The following PEX7 variants were observed in gnomAD, a reference collection of about 807,000 sequenced individuals.
PEX7 encodes peroxisomal biogenesis factor 7.
Under a neutral mutation model 47.5 loss-of-function variants are expected in PEX7, and 34 were observed. That is an observed-to-expected ratio of 0.72 (90% CI 0.54 to 0.95). PEX7 has a LOEUF of 0.95. Among genes scored for constraint, PEX7 ranks in the 40% least tolerant of loss-of-function variants. The pLI is 0.00. For synonymous variants in PEX7, 141 were observed against 148.8 expected (o/e 0.95, Z 0.38); for missense variants, 394 against 400.3 (o/e 0.98, Z 0.13).
chr6:136,822,619 A>C lies in PEX7; in HGVS notation c.-47A>C. On this transcript the variant is annotated 5_prime_UTR_variant, in exon 1 of 10. Coordinates refer to ENST00000318471, the MANE Select transcript of PEX7 (RefSeq NM_000288.4). ...CCGCGCCAGTGTGCCTCCGACTCGG[A>C]ACGGCTTCCGCGGCCGGGGCAGCGA... The C allele has an allele frequency of 6.6e-7, 1 of 1,509,738 alleles. No homozygotes were observed. The highest frequency in any genetic ancestry group is 8.9e-7 in the Non-Finnish European group (1 of 1,127,154). 93.5% of individuals were successfully genotyped at this position (1,509,738 alleles called of 1,614,324 possible). A position where few individuals can be genotyped will look rare whatever the true frequency, so the allele number is the denominator to read the frequency against.
chr6:136,900,635 C>T lies in PEX7; in HGVS notation c.903+2394C>T, dbSNP rs988859739. On this transcript the variant is annotated intron_variant, in intron 9 of 9. Transcript: ENST00000318471. The surrounding 1 kb of genome is among the most constrained non-coding windows in gnomAD (Gnocchi z 4.2). ...TTTCCCTTGACAGCGCAGTCAGGGA[C>T]CCCCATTTTATGAGACAGGGCAGGC... The T allele has an allele frequency of 3.0e-6, 1 of 333,110 alleles. No individual in the cohort carries two copies. The highest frequency in any genetic ancestry group is 5.9e-6 in the Non-Finnish European group (1 of 170,876). The allele number at this position is 333,110 out of a possible 1,614,324, so 20.6% of individuals were successfully genotyped here.
chr6:136,889,161 TC>T (rs1775515979), intron 8 of PEX7, among the ~76,000 whole-genome samples: 2 of 152,324 alleles, frequency 1.3e-5, no homozygotes, highest in African/African-American at 4.8e-5. Flanking sequence ...AAAGAGTTTT[TC>T]CATTTGACTT....
At chr6:136,889,770 A>T (rs190873666) in intron 8 of PEX7, among the ~76,000 whole-genome samples, 55 of 152,360 alleles carry the variant, frequency 3.6e-4, no homozygotes, top group Non-Finnish European at 7.3e-4. Flanking sequence ...TTAGAAATAT[A>T]GAGTAAAACA....
At chr6:136,827,153 C>T (rs1582733362) in intron 3 of PEX7, among the ~76,000 whole-genome samples, 1 of 152,270 alleles carries the variant, frequency 6.6e-6, no homozygotes. Flanking sequence ...TTTTTGTCCA[C>T]CACAGTGCCT....
At chr6:136,911,491 T>C (rs1026533729) in intron 9 of PEX7, among the ~76,000 whole-genome samples, 5 of 152,146 alleles carry the variant, frequency 3.3e-5, no homozygotes, top group Admixed American at 3.3e-4. Flanking sequence ...CTGCAACCTC[T>C]GCCTCCCAGG....
chr6:136,828,362 TC>T (rs1287395325), intron 3 of PEX7, among the ~76,000 whole-genome samples: 1 of 152,232 alleles, frequency 6.6e-6, no homozygotes, highest in East Asian at 1.9e-4. Context: ...AGTCTTTACT[TC>T]CTGTCAGTGA....
chr6:136,906,484 A>ATGTGTGTGTGTGCATG (rs1408586673), intron 9 of PEX7, among the ~76,000 whole-genome samples: 1 of 151,508 alleles, frequency 6.6e-6, no homozygotes, highest in Non-Finnish European at 1.5e-5. Context: ...GCAACTGTGT[A>ATGTGTGTGTGTGCATG]TGTGTGTGTG....
intron 8 of PEX7, among the ~76,000 whole-genome samples, chr6:136,881,139 A>G (rs1403776524): frequency 6.6e-6 from 1 of 152,194 alleles, no homozygotes; most frequent in South Asian, 2.1e-4. Flanking sequence ...CCAAAGGGAG[A>G]TAAGTGTAGA....
At chr6:136,828,379 A>G (rs1337641902) in intron 3 of PEX7, among the ~76,000 whole-genome samples, 1 of 152,150 alleles carries the variant, frequency 6.6e-6, no homozygotes, top group Non-Finnish European at 1.5e-5. Context: ...AGTGAAAGTA[A>G]ATTTCACTTT....
chr6:136,836,515 A>G (rs1264490695), intron 3 of PEX7, among the ~76,000 whole-genome samples: 3 of 152,174 alleles, frequency 2.0e-5, no homozygotes, highest in East Asian at 3.8e-4. Flanking sequence ...AAGAAAAAGC[A>G]ATTGCTAAAA....
At chr6:136,880,999 C>T (rs554704073) in intron 8 of PEX7, among the ~76,000 whole-genome samples, 196 of 152,178 alleles carry the variant, frequency 1.3e-3, no homozygotes, top group Non-Finnish European at 1.9e-3. Flanking sequence ...TGGGAACTAA[C>T]GAATGGCAAC....
intron 3 of PEX7, among the ~76,000 whole-genome samples, chr6:136,844,670 C>T (rs1342314226): frequency 2.0e-5 from 3 of 152,172 alleles, no homozygotes; most frequent in Non-Finnish European, 4.4e-5. Flanking sequence ...ACCCCCAGCC[C>T]CTGGCAAACA....
chr6:136,874,437 C>G lies in PEX7; in HGVS notation c.803+2184C>G, dbSNP rs988653265. Among the ~76,000 whole-genome samples the G allele has an allele frequency of 4.6e-5, 7 of 151,780 alleles. No individual in the cohort carries two copies. The East Asian group carries it at 1.4e-3, about 30-fold the overall frequency. ...CTGTATTCCCAGCACTTTGGGAGGC[C>G]AAGGTGGGCAGATCACCTGAGGTTA... is the stretch of plus-strand genomic sequence containing the variant. On this transcript the variant is annotated intron_variant, in intron 8 of 9. Coordinates refer to ENST00000318471, the MANE Select transcript of PEX7 (RefSeq NM_000288.4).
chr6:136,892,235 A>T (rs1419037711), intron 8 of PEX7, among the ~76,000 whole-genome samples: 3 of 152,178 alleles, frequency 2.0e-5, no homozygotes, highest in Admixed American at 6.5e-5. Flanking sequence ...GACTCTTGGC[A>T]TGGGCTTTGG....
At chr6:136,835,255 G>T (rs1244313971) in intron 3 of PEX7, among the ~76,000 whole-genome samples, 3 of 150,752 alleles carry the variant, frequency 2.0e-5, no homozygotes, top group Non-Finnish European at 3.0e-5. Flanking sequence ...CTTTGCAGCA[G>T]ATTAGCATCA....
At chr6:136,895,630 G>A (rs1244861428) in intron 8 of PEX7, among the ~76,000 whole-genome samples, 1 of 152,012 alleles carries the variant, frequency 6.6e-6, no homozygotes, top group South Asian at 2.1e-4. Flanking sequence ...TTTATGTTTC[G>A]TCCAGGGTTT....
intron 8 of PEX7, among the ~76,000 whole-genome samples, chr6:136,896,661 C>T (rs1775656747): frequency 6.6e-6 from 1 of 152,136 alleles, no homozygotes; most frequent in Non-Finnish European, 1.5e-5. Flanking sequence ...ATTGCAGATG[C>T]CATCTTACTT....
At chr6:136,856,291 TAAA>T (rs397759780) in intron 5 of PEX7, among the ~76,000 whole-genome samples, 22 of 70,568 alleles carry the variant, frequency 3.1e-4, no homozygotes, top group Admixed American at 6.1e-4. Context: ...TGGTTGAAAG[TAAA>T]AAAAAAAAAA....
Position 136,913,580 on chromosome 6 carries a change from G to A in PEX7, c.*54G>A, listed in dbSNP as rs1164031264. 4.6e-6 allele frequency: 5 copies of A among 1,092,734 alleles called. No homozygotes were observed. Among genetic ancestry groups the A allele is most frequent in the Admixed American group, 3.4e-5 (2 of 59,354 alleles). 67.7% of individuals were successfully genotyped at this position (1,092,734 alleles called of 1,614,324 possible). ...ATGTTGGCTGAAGAACTGCCTAACA[G>A]CAAATAAATTAACTATGGAAAACAT... On this transcript the variant is annotated 3_prime_UTR_variant, in exon 10 of 10. Coordinates refer to ENST00000318471, the MANE Select transcript of PEX7 (RefSeq NM_000288.4).
Sources: gnomAD v4.1 joint callset for allele counts (sites outside exome capture counted in the v4.1 genomes callset) on GRCh38, gnomAD v4.1.1 for gene constraint, Gnocchi (gnomAD v3.1) non-coding constraint, MANE v1.5 for transcripts, NCBI Gene and HGNC (gene_info 2026-07-23, HGNC 2026-07-21) for gene names.